PCNX1: variants seen among roughly 807,000 people sequenced by gnomAD.
PCNX1 encodes the protein pecanex 1.
In PCNX1, 78 loss-of-function variants were observed where a neutral mutation model predicts 242.2. The ratio of observed to expected loss-of-function variants is 0.32; its 90% confidence interval spans 0.27 to 0.39. PCNX1 has a LOEUF of 0.39. PCNX1 is among the 10% of genes least tolerant of loss of function. The probability of loss-of-function intolerance (pLI) is 1.00; values close to 1 mark genes in which losing one functional copy is unlikely to be tolerated. For missense variants in PCNX1, 2,581 were observed against 2,856.5 expected, an observed-to-expected ratio of 0.90 and a Z score of 2.20; for synonymous variants, 1,024 against 1,032.9, an observed-to-expected ratio of 0.99 and a Z score of 0.17.
chr14:71,047,849 A>G lies in PCNX1; in HGVS notation c.4203A>G (p.Leu1401=). The G allele has an allele frequency of 6.2e-7, 1 of 1,612,988 alleles. No individual in the cohort carries two copies. Among genetic ancestry groups the G allele is most frequent in the Non-Finnish European group, 8.5e-7 (1 of 1,179,256 alleles). The part of the protein sequence containing the change: ...LMITVAGLKL[L]RSSFSSPTYQ... ...TCACTGTTGCTGGTTTGAAGTTGCT[A>G]CGATCCTCTTTTAGCAGCCCTACAT... The change falls in exon 22 of 36, where the codon CTA becomes CTG. Residue 1401 remains leucine, a synonymous_variant. Coordinates refer to ENST00000304743, the MANE Select transcript of PCNX1 (RefSeq NM_014982.3).
At chr14:70,923,033 A>G (rs536976010) in intron 1 of PCNX1, among the ~76,000 whole-genome samples, 126 of 152,260 alleles carry the variant, frequency 8.3e-4, no homozygotes, top group Middle Eastern at 3.4e-3. Flanking sequence ...GTAAAATGGC[A>G]TCTTGTTTTA....
At position 71,088,535 on chromosome 14, in the gene PCNX1, A is replaced by G. The variant is rs1323704157; in HGVS notation, c.5438+105A>G. On this transcript the variant is annotated intron_variant, in intron 29 of 35. Transcript: ENST00000304743. The stretch of plus-strand genomic sequence containing the variant: ...CATGTATTCTATGCTAATTTATTGT[A>G]AAGTCTTTTTAGGTTTTATATTTCT... 8 of 626,300 alleles carry G rather than the reference A, an allele frequency of 1.3e-5. No homozygotes were observed. The African/African-American group carries it at 1.5e-4, about 11-fold the overall frequency. 38.8% of individuals were successfully genotyped at this position (626,300 alleles called of 1,614,324 possible).
intron 2 of PCNX1, 72 bp downstream of exon 2, chr14:70,947,195 A>G (rs955156825): frequency 2.6e-6 from 3 of 1,132,100 alleles, no homozygotes. Context: ...TGTGATTATT[A>G]TATTGTACTT....
At chr14:71,048,008 T>C (rs199971237) in intron 22 of PCNX1, 24 bp downstream of exon 22, 182 of 1,549,762 alleles carry the variant, frequency 1.2e-4, no homozygotes, top group South Asian at 9.2e-5. Context: ...GAAAGGAATA[T>C]CCTTATCTAT....
chr14:71,064,532 A>T (rs1380674951), intron 26 of PCNX1, among the ~76,000 whole-genome samples: 4 of 152,276 alleles, frequency 2.6e-5, no homozygotes, highest in African/African-American at 9.6e-5. Context: ...TTATTTCGTC[A>T]TTTAAAAATC....
chr14:71,075,769 G>T (rs1359471562), intron 27 of PCNX1, among the ~76,000 whole-genome samples: 2 of 151,952 alleles, frequency 1.3e-5, no homozygotes, highest in African/African-American at 4.8e-5. Context: ...GTGGTGGCGG[G>T]CACCTGTAGT....
chr14:70,908,421 C>T (rs1236457173), intron 1 of PCNX1, among the ~76,000 whole-genome samples: 1 of 152,068 alleles, frequency 6.6e-6, no homozygotes, highest in African/African-American at 2.4e-5. Context: ...GCCCGGCATC[C>T]GGCACTGCCC....
At chr14:70,947,502 C>T (rs1328202042) in intron 2 of PCNX1, among the ~76,000 whole-genome samples, 2 of 152,214 alleles carry the variant, frequency 1.3e-5, no homozygotes, top group Non-Finnish European at 2.9e-5. Flanking sequence ...GTCTTTACTG[C>T]AGTCTCTGAA....
chr14:70,929,636 G>GA (rs36123215), intron 1 of PCNX1, among the ~76,000 whole-genome samples: 1 of 152,204 alleles, frequency 6.6e-6, no homozygotes, highest in Non-Finnish European at 1.5e-5. Context: ...TGTGATGAGT[G>GA]AAAAAAAGAA....
At chr14:71,012,925 T>C in intron 10 of PCNX1, 60 bp from the exon 11 acceptor site, 1 of 1,061,510 alleles carries the variant, frequency 9.4e-7, no homozygotes, top group Non-Finnish European at 1.5e-6. Context: ...TTATTTTGAA[T>C]AAACATATTA....
At chr14:70,960,827 C>G (rs1403134753) in intron 2 of PCNX1, among the ~76,000 whole-genome samples, 5 of 151,968 alleles carry the variant, frequency 3.3e-5, no homozygotes, top group Non-Finnish European at 5.9e-5. Flanking sequence ...TCTCAGGATA[C>G]AAAATCAATG....
At chr14:70,961,970 T>C (rs553166205) in intron 2 of PCNX1, among the ~76,000 whole-genome samples, 1 of 151,828 alleles carries the variant, frequency 6.6e-6, no homozygotes, top group Non-Finnish European at 1.5e-5. Flanking sequence ...CAGTTTCTAA[T>C]GTTGGATTTG....
rs553809572 is a variant in PCNX1, at chr14:71,032,557, A to G, written c.3559-872A>G. Among the ~76,000 whole-genome samples, 20 of 152,326 alleles carry G rather than the reference A, an allele frequency of 1.3e-4. No individual in the cohort carries two copies. In the East Asian group the frequency reaches 3.9e-3, roughly 29 times the overall value. On this transcript the variant is annotated intron_variant, in intron 16 of 35. Transcript: ENST00000304743. The stretch of plus-strand genomic sequence containing the variant: ...GTTTTGATGTAGCTATTAAAAAAAT[A>G]AAATGTCTGTGTTATGATGTGAAAC...
intron 16 of PCNX1, 37 bp from the exon 17 acceptor site, chr14:71,033,392 A>G: frequency 1.0e-6 from 1 of 1,002,236 alleles, no homozygotes; most frequent in Non-Finnish European, 1.6e-6. Flanking sequence ...ATTACAAATT[A>G]GAAGCATATT....
chr14:71,016,434 C>G (rs2059963734), intron 11 of PCNX1, among the ~76,000 whole-genome samples: 1 of 152,108 alleles, frequency 6.6e-6, no homozygotes. Context: ...GCATCCATAA[C>G]AAGAGAATAT....
chr14:71,036,336 A>C (rs2060531336), intron 19 of PCNX1, among the ~76,000 whole-genome samples, 179 bp downstream of exon 19: 1 of 152,004 alleles, frequency 6.6e-6, no homozygotes, highest in South Asian at 2.1e-4. Context: ...AGGCTAATTT[A>C]AAGAATTTTT....
intron 26 of PCNX1, among the ~76,000 whole-genome samples, chr14:71,063,068 G>C (rs1283371868): frequency 6.6e-6 from 1 of 152,130 alleles, no homozygotes; most frequent in Non-Finnish European, 1.5e-5. Flanking sequence ...TATGATGTTT[G>C]CACAACGAAA....
At chr14:71,049,797 T>G (rs2060970015) in intron 22 of PCNX1, among the ~76,000 whole-genome samples, 1 of 152,200 alleles carries the variant, frequency 6.6e-6, no homozygotes, top group South Asian at 2.1e-4. Flanking sequence ...TGTAAATCAG[T>G]TAAAGTATTT....
chr14:70,980,564 A>T (rs888621481), intron 6 of PCNX1, among the ~76,000 whole-genome samples: 4 of 151,996 alleles, frequency 2.6e-5, no homozygotes, highest in African/African-American at 9.7e-5. Context: ...AAGCACTTAA[A>T]TGTGTTGGGG....
Sources: gnomAD v4.1 joint callset for allele counts (sites outside exome capture counted in the v4.1 genomes callset) on GRCh38, gnomAD v4.1.1 for gene constraint, MANE v1.5 for transcripts, NCBI Gene and HGNC (gene_info 2026-07-23, HGNC 2026-07-21) for gene names.